Variants in GRIK1 observed in about 807,000 individuals in gnomAD.
GRIK1 encodes glutamate receptor ionotropic, kainate 1.
Under a neutral mutation model 105.7 loss-of-function variants are expected in GRIK1, and 69 were observed. That is an observed-to-expected ratio of 0.65 (90% CI 0.54 to 0.80). The LOEUF (loss-of-function observed/expected upper bound fraction) is 0.80, where lower values mean the gene tolerates loss of function less well. GRIK1 is among the 30% of genes least tolerant of loss of function. The pLI, the probability that GRIK1 is intolerant of heterozygous loss-of-function variation, is 0.00. For synonymous variants in GRIK1, 438 were observed against 431.3 expected (o/e 1.02, Z -0.19); for missense variants, 1,109 against 1,167.3 (o/e 0.95, Z 0.73).
chr21:29,793,010 TC>T (rs1366064664), intron 1 of GRIK1, among the ~76,000 whole-genome samples: 6 of 152,160 alleles, frequency 3.9e-5, no homozygotes, highest in African/African-American at 1.2e-4. Context: ...CTACCCTGTG[TC>T]AATTAATGCA....
chr21:29,769,682 G>A (rs1013112459), intron 1 of GRIK1, among the ~76,000 whole-genome samples: 2 of 151,992 alleles, frequency 1.3e-5, no homozygotes, highest in African/African-American at 4.8e-5. Flanking sequence ...GCCATGGACC[G>A]GTACCGGTCT....
At chr21:29,708,754 C>CA (rs2063975127) in intron 1 of GRIK1, among the ~76,000 whole-genome samples, 1 of 152,172 alleles carries the variant, frequency 6.6e-6, no homozygotes, top group Non-Finnish European at 1.5e-5. Context: ...GCCATTTCAG[C>CA]AAAAATCCAT....
intron 15 of GRIK1, among the ~76,000 whole-genome samples, chr21:29,560,843 G>T (rs1229927564): frequency 1.3e-5 from 2 of 151,936 alleles, no homozygotes; most frequent in African/African-American, 2.4e-5. Flanking sequence ...CTCGTGATCT[G>T]CCTGCCTTGG....
chr21:29,600,280 G>C (rs1335647307), intron 7 of GRIK1, among the ~76,000 whole-genome samples: 4 of 152,104 alleles, frequency 2.6e-5, no homozygotes, highest in Non-Finnish European at 5.9e-5. Flanking sequence ...TAACTTTTGA[G>C]GGTGCCGGTC....
chr21:29,545,515 TA>T (rs1478092912), intron 16 of GRIK1, among the ~76,000 whole-genome samples: 1 of 152,262 alleles, frequency 6.6e-6, no homozygotes, highest in Non-Finnish European at 1.5e-5. Context: ...GAGGCTGAAT[TA>T]GGGCCATAAA....
chr21:29,723,429 AT>A (rs1256968627), intron 1 of GRIK1, among the ~76,000 whole-genome samples: 4 of 152,212 alleles, frequency 2.6e-5, no homozygotes, highest in Non-Finnish European at 5.9e-5. Flanking sequence ...ATTGAGCTAT[AT>A]TTATCTTCCG....
chr21:29,654,037 C>A (rs1259981798), intron 5 of GRIK1, among the ~76,000 whole-genome samples: 2 of 152,200 alleles, frequency 1.3e-5, no homozygotes, highest in South Asian at 2.1e-4. Flanking sequence ...CTGACCCCCC[C>A]AGAATCCAGG....
chr21:29,919,457 G>A (rs772626401), intron 1 of GRIK1, among the ~76,000 whole-genome samples: 2 of 152,166 alleles, frequency 1.3e-5, no homozygotes, highest in Admixed American at 6.6e-5. Flanking sequence ...ACAGCAATCT[G>A]TAAGTAGAGT....
At chr21:29,587,235 C>A in intron 12 of GRIK1, 131 bp downstream of exon 12, 2 of 514,604 alleles carry the variant, frequency 3.9e-6, no homozygotes, top group Non-Finnish European at 6.9e-6. Context: ...ATATGGAAAC[C>A]TTCCAAGAAT....
At chr21:29,569,379 G>A (rs2090686445) in intron 14 of GRIK1, among the ~76,000 whole-genome samples, 1 of 152,124 alleles carries the variant, frequency 6.6e-6, no homozygotes, top group Admixed American at 6.6e-5. Flanking sequence ...TTTTGAGTTA[G>A]AAGTCATCCT....
Position 29,558,376 on chromosome 21 carries a change from T to TCACACACA in GRIK1, c.2357-3082_2357-3075dup, listed in dbSNP as rs35594883. 2.3e-3 allele frequency among the ~76,000 whole-genome samples: 341 copies of TCACACACA among 147,016 alleles called. 1 individual carries two copies. The highest frequency in any genetic ancestry group is 8.1e-3 in the African/African-American group (321 of 39,796). Reference sequence around the variant, plus strand: ...TATATATATATTTCATATATATATTTCACACACACACACACACACACATAT... The same window carrying TCACACACA: ...TATATATATATTTCATATATATATTTCACACACACACACACACACACACACACACATAT... On this transcript the variant is annotated intron_variant, in intron 15 of 17. Coordinates refer to ENST00000327783, the MANE Select transcript of GRIK1 (RefSeq NM_001330994.2).
chr21:29,865,455 C>A (rs1382902788), intron 1 of GRIK1, among the ~76,000 whole-genome samples: 1 of 152,176 alleles, frequency 6.6e-6, no homozygotes, highest in African/African-American at 2.4e-5. Context: ...AAATTCTGGG[C>A]TTCAACTTGA....
chr21:29,674,161 A>C (rs1408311696), intron 3 of GRIK1, among the ~76,000 whole-genome samples: 1 of 151,464 alleles, frequency 6.6e-6, no homozygotes, highest in Non-Finnish European at 1.5e-5. Context: ...TTTCATGAGT[A>C]TTCAGATGAA....
intron 1 of GRIK1, among the ~76,000 whole-genome samples, chr21:29,700,851 T>A (rs944725282): frequency 6.6e-6 from 1 of 152,114 alleles, no homozygotes; most frequent in Non-Finnish European, 1.5e-5. Flanking sequence ...TTTCAGACAA[T>A]GTTTCATTGT....
rs869032921 is a variant in GRIK1 at position 29,592,048 on chromosome 21, AAAAAT to A, written c.1252-828_1252-824del. 1.1e-3 allele frequency among the ~76,000 whole-genome samples: 165 copies of A among 152,234 alleles called. 1 individual carries two copies. The highest frequency in any genetic ancestry group is 3.9e-3 in the African/African-American group (162 of 41,544). ...CCTGGGTGACAGAGCGAGACACTGA[AAAAAT>A]AAAGTAATTTTTTCTTTAAAAAGAG... is the stretch of plus-strand genomic sequence containing the variant. On this transcript the variant is annotated intron_variant, in intron 9 of 17. Coordinates refer to ENST00000327783, the MANE Select transcript of GRIK1 (RefSeq NM_001330994.2).
At chr21:29,838,274 G>A (rs1247953291) in intron 1 of GRIK1, among the ~76,000 whole-genome samples, 3 of 151,978 alleles carry the variant, frequency 2.0e-5, no homozygotes, top group Admixed American at 6.6e-5. Context: ...TGCAGAAACT[G>A]AATTGGACAA....
At chr21:29,624,024 TGAAAA>T (rs1437656560) in intron 7 of GRIK1, among the ~76,000 whole-genome samples, 8 of 152,356 alleles carry the variant, frequency 5.3e-5, no homozygotes, top group Admixed American at 2.6e-4. Context: ...AATAGTGTAA[TGAAAA>T]GAAAATGTGT....
intron 1 of GRIK1, among the ~76,000 whole-genome samples, chr21:29,894,873 T>C (rs185156107): frequency 4.7e-4 from 71 of 152,288 alleles, no homozygotes; most frequent in African/African-American, 1.7e-3. Context: ...TTTCCCCTTC[T>C]CCTGACAGAT....
intron 1 of GRIK1, among the ~76,000 whole-genome samples, chr21:29,812,822 A>G (rs930626939): frequency 6.6e-6 from 1 of 152,204 alleles, no homozygotes; most frequent in African/African-American, 2.4e-5. Flanking sequence ...TCAGTGTGCT[A>G]AATTTTCCAA....
Sources: gnomAD v4.1 joint callset for allele counts (sites outside exome capture counted in the v4.1 genomes callset) on GRCh38, gnomAD v4.1.1 for gene constraint, MANE v1.5 for transcripts, NCBI Gene and HGNC (gene_info 2026-07-23, HGNC 2026-07-21) for gene names.